GRIK4: variants seen among roughly 807,000 people sequenced by gnomAD.
GRIK4 encodes the protein glutamate receptor ionotropic, kainate 4.
A neutral mutation model predicts 104.9 loss-of-function variants in GRIK4; 40 were observed. The ratio of observed to expected loss-of-function variants is 0.38; its 90% CI spans 0.30 to 0.50. GRIK4 has a LOEUF of 0.50. Among genes scored for constraint, GRIK4 ranks in the 20% least tolerant of loss-of-function variants. The pLI, the probability that GRIK4 is intolerant of heterozygous loss-of-function variation, is 0.93. For missense variants in GRIK4, 1,047 were observed against 1,308.1 expected (o/e 0.80, Z 3.08); for synonymous variants, 485 against 524.9 (o/e 0.92, Z 1.04).
At chr11:120,790,918 C>G (rs542430456) in intron 3 of GRIK4, among the ~76,000 whole-genome samples, 40 of 152,126 alleles carry the variant, frequency 2.6e-4, no homozygotes, top group Non-Finnish European at 1.2e-4. Flanking sequence ...AACTGGGAAG[C>G]CAGAAAGAGC....
intron 3 of GRIK4, among the ~76,000 whole-genome samples, chr11:120,729,426 T>C (rs557535441): frequency 1.9e-4 from 29 of 152,360 alleles, no homozygotes; most frequent in Middle Eastern, 3.4e-3. Context: ...GCGTTTGTTA[T>C]TGCCTGACTT....
rs1262475754 is a variant in GRIK4, at chr11:120,956,643, C to G, written c.1701-137C>G. Reference sequence around the variant, plus strand: ...TTTTATTTTTTTTTTGGTTGCGAAACTCCAAGTCCAGCAAAGGGAAGTGGC... The same window carrying G: ...TTTTATTTTTTTTTTGGTTGCGAAAGTCCAAGTCCAGCAAAGGGAAGTGGC... On this transcript the variant is annotated intron_variant, in intron 15 of 20. Coordinates refer to ENST00000527524, the MANE Select transcript of GRIK4 (RefSeq NM_014619.5). The surrounding 1 kb of genome is among the most constrained non-coding windows in gnomAD (Gnocchi z 4.6). The G allele has an allele frequency of 8.0e-6, 4 of 496,932 alleles. No individual in the cohort carries two copies. Among genetic ancestry groups the G allele is most frequent in the Non-Finnish European group, 1.4e-5 (4 of 289,642 alleles). The allele number at this position is 496,932 out of a possible 1,614,324, so 30.8% of individuals were successfully genotyped here. A position where few individuals can be genotyped will look rare whatever the true frequency, so the allele number is the denominator to read the frequency against.
intron 19 of GRIK4, among the ~76,000 whole-genome samples, chr11:120,980,410 C>A (rs556308397): frequency 6.6e-6 from 1 of 152,340 alleles, no homozygotes; most frequent in South Asian, 2.1e-4. Context: ...TGCCTACAAC[C>A]CCAGCCAGCT....
intron 3 of GRIK4, among the ~76,000 whole-genome samples, chr11:120,751,992 T>C (rs1951563417): frequency 6.6e-6 from 1 of 152,130 alleles, no homozygotes. Flanking sequence ...AGGTGTGAGC[T>C]GGAGGAGCTA....
intron 11 of GRIK4, among the ~76,000 whole-genome samples, chr11:120,886,064 T>C (rs1309220492): frequency 1.3e-5 from 2 of 152,206 alleles, no homozygotes; most frequent in Non-Finnish European, 2.9e-5. Context: ...ACAAGTACGG[T>C]TGATCCTCAT....
At chr11:120,512,434 T>TCGACTGCCCCCTGCCC (rs1357086060) in intron 1 of GRIK4, among the ~76,000 whole-genome samples, 3 of 146,322 alleles carry the variant, frequency 2.1e-5, no homozygotes, top group Non-Finnish European at 4.5e-5. Context: ...GCCATCTGCC[T>TCGACTGCCCCCTGCCC]CGACTGCCCC....
chr11:120,618,496 C>T (rs1949143219), intron 1 of GRIK4, among the ~76,000 whole-genome samples: 1 of 152,182 alleles, frequency 6.6e-6, no homozygotes, highest in Non-Finnish European at 1.5e-5. Context: ...TAAAAAGGGG[C>T]CAAGTGCTAA....
At chr11:120,738,882 T>A (rs1951275040) in intron 3 of GRIK4, among the ~76,000 whole-genome samples, 1 of 152,162 alleles carries the variant, frequency 6.6e-6, no homozygotes, top group Non-Finnish European at 1.5e-5. Context: ...GGCTGGCACC[T>A]GAAGATGACG....
rs1218550431 is a variant in GRIK4 at position 120,967,514 on chromosome 11, T to G, written c.2395+191T>G. Among the ~76,000 whole-genome samples the G allele has an allele frequency of 6.6e-6, 1 of 152,058 alleles. No individual in the cohort carries two copies. The highest frequency in any genetic ancestry group is 1.5e-5 in the Non-Finnish European group (1 of 67,988). On this transcript the variant is annotated intron_variant, in intron 19 of 20. Coordinates refer to ENST00000527524, the MANE Select transcript of GRIK4 (RefSeq NM_014619.5). The surrounding 1 kb of genome is among the most constrained non-coding windows in gnomAD (Gnocchi z 4.2). ...GGTCTTGCGTATCGCAGGCACCCAG[T>G]GTCCACCCGGCTCCCAAGTCCTAGA... is the stretch of plus-strand genomic sequence containing the variant.
chr11:120,806,131 T>A (rs570618337), intron 4 of GRIK4, among the ~76,000 whole-genome samples: 1 of 152,290 alleles, frequency 6.6e-6, no homozygotes, highest in African/African-American at 2.4e-5. Flanking sequence ...CTTCAGGAAG[T>A]GGCAGCTGTG....
At chr11:120,601,999 A>T (rs1441712954) in intron 1 of GRIK4, among the ~76,000 whole-genome samples, 8 of 151,638 alleles carry the variant, frequency 5.3e-5, no homozygotes, top group African/African-American at 1.9e-4. Flanking sequence ...TTGAAATGGA[A>T]CCCTCACCTT....
rs974736936 is a variant in GRIK4 at position 120,967,383 on chromosome 11, G to T, written c.2395+60G>T. 2 of 1,533,418 alleles carry T rather than the reference G, an allele frequency of 1.3e-6. No homozygotes were observed. Among genetic ancestry groups the T allele is most frequent in the South Asian group, 1.3e-5 (1 of 79,842 alleles). 95.0% of individuals were successfully genotyped at this position (1,533,418 alleles called of 1,614,324 possible). On this transcript the variant is annotated intron_variant, in intron 19 of 20. Transcript: ENST00000527524. The surrounding 1 kb of genome is among the most constrained non-coding windows in gnomAD (Gnocchi z 4.2). The stretch of plus-strand genomic sequence containing the variant: ...AGAGGACCAAAGTAGCTTGTTTCTC[G>T]TGTTCAAATTCCAGGTACACATAAT...
chr11:120,697,736 C>T (rs955961702), intron 3 of GRIK4, among the ~76,000 whole-genome samples: 3 of 152,238 alleles, frequency 2.0e-5, no homozygotes, highest in Admixed American at 6.5e-5. Context: ...AGGCATGATC[C>T]GGGTGTGTTG....
At chr11:120,766,387 G>C (rs1951840380) in intron 3 of GRIK4, among the ~76,000 whole-genome samples, 1 of 152,208 alleles carries the variant, frequency 6.6e-6, no homozygotes, top group Non-Finnish European at 1.5e-5. Flanking sequence ...AGCTTGCTGG[G>C]CTCAGTGAGG....
At chr11:120,560,568 G>A (rs1413506032) in intron 1 of GRIK4, among the ~76,000 whole-genome samples, 2 of 152,226 alleles carry the variant, frequency 1.3e-5, no homozygotes, top group Non-Finnish European at 2.9e-5. Context: ...AGTCTGGGAA[G>A]AAAGAGTGTT....
At chr11:120,954,709 C>T (rs1231309666) in intron 15 of GRIK4, among the ~76,000 whole-genome samples, 3 of 151,934 alleles carry the variant, frequency 2.0e-5, no homozygotes, top group Non-Finnish European at 2.9e-5. Context: ...CACACCCCCT[C>T]CAGCATCTAG....
At chr11:120,665,770 A>G (rs1165163239) in intron 3 of GRIK4, among the ~76,000 whole-genome samples, 1 of 152,182 alleles carries the variant, frequency 6.6e-6, no homozygotes, top group East Asian at 1.9e-4. Context: ...ACTTGTGCTT[A>G]TGTAAGGCTA....
intron 3 of GRIK4, among the ~76,000 whole-genome samples, chr11:120,711,215 G>A (rs1950730238): frequency 1.3e-5 from 2 of 152,222 alleles, no homozygotes; most frequent in Non-Finnish European, 2.9e-5. Context: ...AAATGAAAGC[G>A]AGTTATAAAT....
At chr11:120,852,348 A>G (rs4331109) in intron 8 of GRIK4, among the ~76,000 whole-genome samples, 24,717 of 152,240 alleles carry the variant, frequency 0.16, 2,772 homozygotes, top group East Asian at 0.33. Flanking sequence ...GCAGGTGAAC[A>G]TGAATTAATT....
Sources: gnomAD v4.1 joint callset for allele counts (sites outside exome capture counted in the v4.1 genomes callset) on GRCh38, gnomAD v4.1.1 for gene constraint, Gnocchi (gnomAD v3.1) non-coding constraint, MANE v1.5 for transcripts, NCBI Gene and HGNC (gene_info 2026-07-23, HGNC 2026-07-21) for gene names.